Variants in NSMCE2 observed in about 807,000 individuals in gnomAD.
The protein encoded by NSMCE2 is E3 SUMO-protein ligase NSE2.
Under a neutral mutation model 23.8 loss-of-function variants are expected in NSMCE2, and 24 were observed. The ratio of observed to expected loss-of-function variants is 1.01; its 90% CI spans 0.73 to 1.42. The LOEUF is 1.42. NSMCE2 is among the 40% of genes most tolerant of loss of function. NSMCE2 has a pLI of 0.00. For synonymous variants in NSMCE2, 92 were observed against 94.1 expected (o/e 0.98, Z 0.13); for missense variants, 284 against 296.5 (o/e 0.96, Z 0.31).
At chr8:125,278,053 C>G (rs1319380233) in intron 5 of NSMCE2, among the ~76,000 whole-genome samples, 1 of 152,138 alleles carries the variant, frequency 6.6e-6, no homozygotes, top group East Asian at 1.9e-4. Flanking sequence ...TTAAAATAAA[C>G]TGTCTGGGTC....
intron 3 of NSMCE2, among the ~76,000 whole-genome samples, chr8:125,141,390 A>G (rs1215602569): frequency 6.6e-6 from 1 of 152,224 alleles, no homozygotes; most frequent in Admixed American, 6.5e-5. Flanking sequence ...GTAATAGTCC[A>G]GACACTGGCA....
Position 125,356,081 on chromosome 8 carries a change from A to T in NSMCE2, c.419-1138A>T, listed in dbSNP as rs560844874. Among the ~76,000 whole-genome samples, 8 of 152,164 alleles carry T rather than the reference A, an allele frequency of 5.3e-5. No homozygotes were observed. In the East Asian group the frequency reaches 1.5e-3, roughly 29 times the overall value. On this transcript the variant is annotated intron_variant, in intron 5 of 7. Coordinates refer to ENST00000287437, the MANE Select transcript of NSMCE2 (RefSeq NM_173685.4). ...TCACTCTCATTCTTTTCATGAGTGA[A>T]TTTTCCCAGAGACTACAGGATATGT...
chr8:125,353,120 A>C (rs1037986281), intron 5 of NSMCE2, among the ~76,000 whole-genome samples: 1 of 152,204 alleles, frequency 6.6e-6, no homozygotes, highest in Admixed American at 6.5e-5. Context: ...TGAAATTTAA[A>C]AATAGGAAAT....
intron 5 of NSMCE2, among the ~76,000 whole-genome samples, chr8:125,310,022 G>A (rs567206073): frequency 9.2e-5 from 14 of 152,290 alleles, no homozygotes; most frequent in Non-Finnish European, 1.5e-4. Context: ...CTATGATGGG[G>A]GGACCCTCAT....
intron 5 of NSMCE2, among the ~76,000 whole-genome samples, chr8:125,205,579 A>G (rs1824078773): frequency 6.6e-6 from 1 of 152,206 alleles, no homozygotes; most frequent in Non-Finnish European, 1.5e-5. Flanking sequence ...AAGTTCCCCC[A>G]TAACCCTACT....
intron 5 of NSMCE2, among the ~76,000 whole-genome samples, chr8:125,241,647 G>C (rs1825769020): frequency 6.6e-6 from 1 of 152,230 alleles, no homozygotes; most frequent in Admixed American, 6.5e-5. Context: ...GTAGGATGGA[G>C]GTGGGTTGGA....
chr8:125,257,327 A>G (rs1826477444), intron 5 of NSMCE2, among the ~76,000 whole-genome samples: 1 of 151,796 alleles, frequency 6.6e-6, no homozygotes, highest in Non-Finnish European at 1.5e-5. Flanking sequence ...AAATGTGCCC[A>G]CAAAAGAGAT....
intron 5 of NSMCE2, among the ~76,000 whole-genome samples, chr8:125,242,795 G>A (rs1220779983): frequency 6.6e-6 from 1 of 152,202 alleles, no homozygotes; most frequent in African/African-American, 2.4e-5. Flanking sequence ...GCATACCCAT[G>A]CGATGGCTCA....
chr8:125,303,981 T>C (rs1447494828), intron 5 of NSMCE2, among the ~76,000 whole-genome samples: 1 of 152,252 alleles, frequency 6.6e-6, no homozygotes, highest in Non-Finnish European at 1.5e-5. Flanking sequence ...TTGACCTTTC[T>C]AAGAAATTGT....
At chr8:125,096,634 CTTTTTT>C (rs34656029) in intron 1 of NSMCE2, among the ~76,000 whole-genome samples, 8 of 80,436 alleles carry the variant, frequency 9.9e-5, no homozygotes, top group East Asian at 4.1e-4. Context: ...GTGTGGAATC[CTTTTTT>C]TTTTTTTTTT....
chr8:125,150,290 T>C (rs1300871802), intron 3 of NSMCE2, among the ~76,000 whole-genome samples: 2 of 152,076 alleles, frequency 1.3e-5, no homozygotes, highest in Admixed American at 1.3e-4. Flanking sequence ...TTGCCCCACT[T>C]CTCGTTTTTG....
chr8:125,267,632 C>A (rs1482340745), intron 5 of NSMCE2, among the ~76,000 whole-genome samples: 1 of 152,018 alleles, frequency 6.6e-6, no homozygotes, highest in Non-Finnish European at 1.5e-5. Context: ...AACAATTAAC[C>A]AAGTGTGGCT....
chr8:125,197,475 T>C (rs897243709), intron 5 of NSMCE2, among the ~76,000 whole-genome samples: 1 of 152,216 alleles, frequency 6.6e-6, no homozygotes, highest in African/African-American at 2.4e-5. Flanking sequence ...CATTTCTTGT[T>C]TTTGTCAGGT....
intron 5 of NSMCE2, among the ~76,000 whole-genome samples, chr8:125,283,356 T>C (rs184765923): frequency 1.3e-5 from 2 of 152,192 alleles, no homozygotes; most frequent in East Asian, 1.9e-4. Flanking sequence ...AAAACCACCA[T>C]GGTCAACATG....
intron 5 of NSMCE2, among the ~76,000 whole-genome samples, chr8:125,261,907 G>A (rs1278454314): frequency 2.0e-5 from 3 of 151,296 alleles, no homozygotes; most frequent in East Asian, 3.9e-4. Flanking sequence ...GACCGTCCTC[G>A]CCAACACAGC....
intron 5 of NSMCE2, among the ~76,000 whole-genome samples, chr8:125,289,046 C>T (rs1388838668): frequency 2.0e-5 from 3 of 152,322 alleles, no homozygotes; most frequent in Non-Finnish European, 4.4e-5. Context: ...GCCTTAACCT[C>T]CCAAAGTGCT....
chr8:125,097,028 T>C (rs771543971), intron 1 of NSMCE2, among the ~76,000 whole-genome samples: 7 of 152,176 alleles, frequency 4.6e-5, no homozygotes, highest in Non-Finnish European at 8.8e-5. Flanking sequence ...TTCCATCTTT[T>C]TGTGTATGTT....
At chr8:125,359,598 G>T (rs185623891) in intron 7 of NSMCE2, among the ~76,000 whole-genome samples, 2 of 152,070 alleles carry the variant, frequency 1.3e-5, no homozygotes, top group Non-Finnish European at 2.9e-5. Context: ...CTCCCAAAGT[G>T]TTGGGATTAC....
At chr8:125,272,699 G>GATATAT (rs10635586) in intron 5 of NSMCE2, among the ~76,000 whole-genome samples, 1 of 125,460 alleles carries the variant, frequency 8.0e-6, no homozygotes, top group African/African-American at 3.3e-5. Flanking sequence ...AGCTACTTGG[G>GATATAT]ATATATATAT....
Sources: allele counts gnomAD v4.1 joint callset (sites outside exome capture counted in the v4.1 genomes callset), GRCh38; gene constraint gnomAD v4.1.1; transcripts MANE v1.5; gene names NCBI Gene and HGNC (gene_info 2026-07-23, HGNC 2026-07-21).